Variants in LAMP2 observed in about 807,000 individuals in gnomAD.
LAMP2 encodes the protein lysosome associated membrane protein 2.
Under a neutral mutation model 25.6 loss-of-function variants are expected in LAMP2, and 4 were observed. The ratio of observed to expected loss-of-function variants is 0.16; its 90% CI spans 0.08 to 0.36. LAMP2 has a LOEUF of 0.36. Ranked by LOEUF, LAMP2 falls within the 10% of genes least tolerant of loss-of-function variation. The probability of loss-of-function intolerance (pLI) is 1.00; values close to 1 mark genes in which losing one functional copy is unlikely to be tolerated. For missense variants in LAMP2, 272 were observed against 301.4 expected, an observed-to-expected ratio of 0.90 and a Z score of 0.72; for synonymous variants, 108 against 112.7, an observed-to-expected ratio of 0.96 and a Z score of 0.27.
intron 6 of LAMP2, 62 bp from the exon 7 acceptor site, chrX:120,442,724 G>A (rs1048631533): frequency 3.5e-6 from 3 of 866,677 alleles, no homozygotes; most frequent in Admixed American, 2.2e-5. Context: ...TAACAGATAC[G>A]GTTAATACCC....
chrX:120,441,520 A>G (rs1005644960), intron 8 of LAMP2, among the ~76,000 whole-genome samples: 5 of 112,355 alleles, frequency 4.5e-5, no homozygotes, highest in African/African-American at 1.6e-4. Flanking sequence ...TATCAGTTTT[A>G]GCTTTAAGAA....
At chrX:120,432,980 A>G (rs1023349154) in intron 8 of LAMP2, among the ~76,000 whole-genome samples, 1 of 110,884 alleles carries the variant, frequency 9.0e-6, no homozygotes, top group African/African-American at 3.3e-5. Context: ...TATGAACCTA[A>G]GTGGTAGTTA....
chrX:120,436,614 G>GAA, intron 8 of LAMP2: 1 of 741,370 alleles, frequency 1.3e-6, no homozygotes, highest in Non-Finnish European at 1.6e-6. Flanking sequence ...AAAAAACATG[G>GAA]AAAGTATTTA....
Position 120,428,560 on chromosome X carries a change from C to G in LAMP2, c.*2763G>C. 1 of 1,199,079 alleles carries G rather than the reference C, an allele frequency of 8.3e-7. No homozygotes were observed. The highest frequency in any genetic ancestry group is 2.3e-5 in the Admixed American group (1 of 44,262). On this transcript the variant is annotated 3_prime_UTR_variant, in exon 9 of 9. Coordinates refer to ENST00000200639, the MANE Select transcript of LAMP2 (RefSeq NM_002294.3). ...GATAAAGACAACAATTATAAGGAAGCCCAAGGCCACACCCACTGCAACAGG... is the reference window on the plus strand; with the variant it reads ...GATAAAGACAACAATTATAAGGAAGGCCAAGGCCACACCCACTGCAACAGG...
chrX:120,468,975 C>T, intron 1 of LAMP2, 131 bp downstream of exon 1: 2 of 758,384 alleles, frequency 2.6e-6, no homozygotes, highest in Non-Finnish European at 4.1e-6. Flanking sequence ...CCCGGGCCAA[C>T]CGCCGCCGCC....
chrX:120,466,004 C>A (rs758482083), intron 1 of LAMP2, among the ~76,000 whole-genome samples: 3 of 111,793 alleles, frequency 2.7e-5, no homozygotes, highest in Admixed American at 1.9e-4. Context: ...AAAATGGTTT[C>A]TATTTCATCC....
intron 1 of LAMP2, among the ~76,000 whole-genome samples, chrX:120,466,169 G>A (rs1921523287): frequency 8.9e-6 from 1 of 112,083 alleles, no homozygotes; most frequent in Non-Finnish European, 1.9e-5. Context: ...TAGCAGATGA[G>A]CTGATGGGTT....
rs1211656700 is a variant in LAMP2, at chrX:120,428,154, A to C, written c.*3169T>G. ...TTTGCAAATAACATCAAAGTAGTAA[A>C]ATATAAGTAACTGTAACATATAAAA... is the stretch of plus-strand genomic sequence containing the variant. On this transcript the variant is annotated 3_prime_UTR_variant, in exon 9 of 9. Coordinates refer to ENST00000200639, the MANE Select transcript of LAMP2 (RefSeq NM_002294.3). 1 of 138,352 alleles carries C rather than the reference A, an allele frequency of 7.2e-6. No homozygotes were observed. Among genetic ancestry groups the C allele is most frequent in the Non-Finnish European group, 1.4e-5 (1 of 70,870 alleles). 11.4% of individuals were successfully genotyped at this position (138,352 alleles called of 1,213,427 possible).
chrX:120,442,380 C>T (rs1402510091), intron 7 of LAMP2, among the ~76,000 whole-genome samples: 2 of 111,040 alleles, frequency 1.8e-5, no homozygotes, highest in African/African-American at 6.6e-5. Context: ...TCAGTCATAT[C>T]CTTAATTATT....
intron 2 of LAMP2, 111 bp from the exon 3 acceptor site, chrX:120,455,681 T>G: frequency 1.7e-6 from 1 of 579,305 alleles, no homozygotes; most frequent in South Asian, 2.7e-5. Flanking sequence ...CATGGCCAGG[T>G]TGCCCTTTGC....
chrX:120,437,416 A>C (rs1477350478), intron 8 of LAMP2: 3 of 708,484 alleles, frequency 4.2e-6, no homozygotes, highest in Non-Finnish European at 4.9e-6. Context: ...CCACCACAAA[A>C]AAAAAAAAAA....
Position 120,427,026 on chromosome X carries a change from T to C in LAMP2, c.*4297A>G, listed in dbSNP as rs778421977. 9.0e-6 allele frequency among the ~76,000 whole-genome samples: 1 copy of C among 111,731 alleles called. No homozygotes were observed. Among genetic ancestry groups the C allele is most frequent in the Non-Finnish European group, 1.9e-5 (1 of 53,084 alleles). ...TAACAAAAATTTGTAATTCCAGTTA[T>C]TGGCAAAGGGTTCTGGCATGAGTTA... On this transcript the variant is annotated 3_prime_UTR_variant, in exon 9 of 9. Transcript: ENST00000200639.
chrX:120,439,103 A>T (rs1307525572), intron 8 of LAMP2: 1 of 1,204,765 alleles, frequency 8.3e-7, no homozygotes, highest in African/African-American at 1.8e-5. Context: ...TGCATGTTGG[A>T]ACTTGTACTT....
At chrX:120,436,611 A>G in intron 8 of LAMP2, 1 of 743,896 alleles carries the variant, frequency 1.3e-6, no homozygotes, top group Non-Finnish European at 1.6e-6. Context: ...AAGAAAAAAC[A>G]TGGAAAGTAT....
At chrX:120,447,274 A>C (rs1429049308) in intron 5 of LAMP2, among the ~76,000 whole-genome samples, 1 of 111,476 alleles carries the variant, frequency 9.0e-6, no homozygotes, top group Non-Finnish European at 1.9e-5. Flanking sequence ...TGTGCATGGC[A>C]GTGCACGCCT....
chrX:120,453,335 C>A (rs976917287), intron 3 of LAMP2, among the ~76,000 whole-genome samples: 4 of 111,848 alleles, frequency 3.6e-5, no homozygotes, highest in Admixed American at 1.9e-4. Context: ...CGAATAGGAT[C>A]TTTTGACATC....
intron 1 of LAMP2, among the ~76,000 whole-genome samples, chrX:120,459,932 ATG>A (rs1231909462): frequency 8.9e-6 from 1 of 112,309 alleles, no homozygotes; most frequent in Non-Finnish European, 1.9e-5. Context: ...TATGTTATAT[ATG>A]TGTTACATAC....
At chrX:120,468,082 C>T (rs1921618293) in intron 1 of LAMP2, among the ~76,000 whole-genome samples, 1 of 111,703 alleles carries the variant, frequency 9.0e-6, no homozygotes, top group Non-Finnish European at 1.9e-5. Context: ...CATTCTTAGG[C>T]CCTGGTAACA....
At chrX:120,457,798 C>T (rs913106285) in intron 1 of LAMP2, among the ~76,000 whole-genome samples, 5 of 112,502 alleles carry the variant, frequency 4.4e-5, no homozygotes, top group Non-Finnish European at 7.5e-5. Flanking sequence ...TAAGCTGTTT[C>T]CTGTTAAGAT....
Sources: allele counts gnomAD v4.1 joint callset (sites outside exome capture counted in the v4.1 genomes callset), GRCh38; gene constraint gnomAD v4.1.1; transcripts MANE v1.5; gene names NCBI Gene and HGNC (gene_info 2026-07-23, HGNC 2026-07-21).